Variants in MLPH observed in about 807,000 individuals in gnomAD.
The protein encoded by MLPH is exophilin-3.
Under a neutral mutation model 72.1 loss-of-function variants are expected in MLPH, and 51 were observed. The ratio of observed to expected loss-of-function variants is 0.71; its 90% CI spans 0.56 to 0.89. MLPH has a LOEUF of 0.89. MLPH is among the 40% of genes least tolerant of loss of function. The probability of loss-of-function intolerance (pLI) is 0.00; values close to 1 mark genes in which losing one functional copy is unlikely to be tolerated. For synonymous variants in MLPH, 301 were observed against 310.1 expected, an observed-to-expected ratio of 0.97 and a Z score of 0.31; for missense variants, 743 against 759.9, an observed-to-expected ratio of 0.98 and a Z score of 0.26.
At chr2:237,548,784 C>G (rs1043306575) in intron 13 of MLPH, among the ~76,000 whole-genome samples, 2 of 152,162 alleles carry the variant, frequency 1.3e-5, no homozygotes, top group African/African-American at 4.8e-5. Flanking sequence ...GAGACTGAGG[C>G]GAGAGAATGG....
chr2:237,507,942 A>T (rs2079811287), intron 2 of MLPH, among the ~76,000 whole-genome samples: 2 of 152,302 alleles, frequency 1.3e-5, no homozygotes, highest in Admixed American at 1.3e-4. Flanking sequence ...AATCCTTTTA[A>T]TAGAAATATC....
chr2:237,524,803 A>G (rs972293710), intron 6 of MLPH, among the ~76,000 whole-genome samples: 1 of 152,090 alleles, frequency 6.6e-6, no homozygotes, highest in Non-Finnish European at 1.5e-5. Flanking sequence ...TTCATAGTGA[A>G]CTTCTGAACT....
intron 6 of MLPH, among the ~76,000 whole-genome samples, chr2:237,521,468 C>T (rs2080180336): frequency 6.6e-6 from 1 of 152,092 alleles, no homozygotes; most frequent in Non-Finnish European, 1.5e-5. Flanking sequence ...GACCCTGAAC[C>T]TATAAATAAT....
intron 2 of MLPH, among the ~76,000 whole-genome samples, chr2:237,494,163 G>A (rs1256965090): frequency 6.6e-6 from 1 of 151,730 alleles, no homozygotes; most frequent in African/African-American, 2.4e-5. Context: ...CAAAAGCTGA[G>A]AGGATGCTCC....
chr2:237,546,432 G>A (rs904957258), intron 12 of MLPH, 174 bp from the exon 13 acceptor site: 1 of 659,846 alleles, frequency 1.5e-6, no homozygotes. Context: ...GCACACTTTG[G>A]CGCCCTAGTC....
At chr2:237,509,876 G>A (rs2079853648) in intron 2 of MLPH, among the ~76,000 whole-genome samples, 1 of 152,168 alleles carries the variant, frequency 6.6e-6, no homozygotes, top group Non-Finnish European at 1.5e-5. Flanking sequence ...TGTCCTTCTT[G>A]TTTTTGTCAC....
In MLPH at chr2:237,491,881, C is replaced by A. The variant is rs571714612; in HGVS notation, c.-24-1522C>A. 2.4e-4 allele frequency among the ~76,000 whole-genome samples: 36 copies of A among 152,332 alleles called. No homozygotes were observed. In the South Asian group the frequency reaches 2.7e-3, roughly 11 times the overall value. ...ACTCCCCTGCCTCACACCCATCAACCACCTGACAGGATGTACAGGCCAAGG... is the reference window on the plus strand; with the variant it reads ...ACTCCCCTGCCTCACACCCATCAACAACCTGACAGGATGTACAGGCCAAGG... On this transcript the variant is annotated intron_variant, in intron 1 of 15. Coordinates refer to ENST00000264605, the MANE Select transcript of MLPH (RefSeq NM_024101.7).
At chr2:237,524,321 A>ATATATATATATATATATAT (rs1559357447) in intron 6 of MLPH, among the ~76,000 whole-genome samples, 19 of 146,176 alleles carry the variant, frequency 1.3e-4, no homozygotes, top group African/African-American at 4.4e-4. Flanking sequence ...ATATATATAT[A>ATATATATATATATATATAT]AAGGGGAGTT....
intron 4 of MLPH, among the ~76,000 whole-genome samples, chr2:237,517,431 A>G (rs1302241263): frequency 6.6e-6 from 1 of 150,476 alleles, no homozygotes; most frequent in African/African-American, 2.4e-5. Flanking sequence ...GGGTGAGTGG[A>G]TAGGTGGATG....
At chr2:237,502,917 G>C (rs753942095) in intron 2 of MLPH, among the ~76,000 whole-genome samples, 2 of 152,024 alleles carry the variant, frequency 1.3e-5, no homozygotes, top group Admixed American at 1.3e-4. Flanking sequence ...TCAGGAGTTC[G>C]AGACCAGCCT....
At position 237,507,055 on chromosome 2, in the gene MLPH, T is replaced by A. The variant is rs1245264467; in HGVS notation, c.111-3519T>A. Among the ~76,000 whole-genome samples the A allele has an allele frequency of 2.8e-5, 4 of 142,598 alleles. No homozygotes were observed. The East Asian group carries it at 8.3e-4, about 30-fold the overall frequency. 93.5% of individuals were successfully genotyped at this position (142,598 alleles called of 152,430 possible). On this transcript the variant is annotated intron_variant, in intron 2 of 15. Transcript: ENST00000264605. ...TTGGTAGTTTTTTTCCTTTTTCTTT[T>A]TTTTTTCTTTTTTTTTTTTTTTTTT...
At chr2:237,495,292 A>C (rs1191351165) in intron 2 of MLPH, among the ~76,000 whole-genome samples, 1 of 152,218 alleles carries the variant, frequency 6.6e-6, no homozygotes, top group African/African-American at 2.4e-5. Flanking sequence ...ATGTCATTCC[A>C]TCGGCAAAGT....
Position 237,491,006 on chromosome 2 carries a change from T to C in MLPH, c.-24-2397T>C, listed in dbSNP as rs138787107. On this transcript the variant is annotated intron_variant, in intron 1 of 15. Transcript: ENST00000264605. The stretch of plus-strand genomic sequence containing the variant: ...TTTTTATGGCATAAGCCAGGGACTA[T>C]TTTGGCTGACTTCCATGACAGCTCT... 2.4e-3 allele frequency among the ~76,000 whole-genome samples: 363 copies of C among 152,372 alleles called. 3 individuals carry two copies. Among genetic ancestry groups the C allele is most frequent in the African/African-American group, 8.3e-3 (344 of 41,592 alleles).
intron 1 of MLPH, 108 bp from the exon 2 acceptor site, chr2:237,493,295 C>T (rs2079464987): frequency 2.6e-6 from 2 of 772,186 alleles, no homozygotes; most frequent in East Asian, 5.0e-5. Flanking sequence ...CAAGTACAGA[C>T]AGATGTCCTG....
chr2:237,486,977 G>A (rs984771261), upstream of MLPH, among the ~76,000 whole-genome samples: 1 of 152,100 alleles, frequency 6.6e-6, no homozygotes, highest in African/African-American at 2.4e-5. Flanking sequence ...GGACCGCGGC[G>A]CGATGTCACC....
intron 2 of MLPH, among the ~76,000 whole-genome samples, chr2:237,502,789 T>A (rs887512380): frequency 2.0e-5 from 3 of 152,186 alleles, no homozygotes; most frequent in Non-Finnish European, 4.4e-5. Context: ...GGTCTCCTAG[T>A]ATGAGACACG....
At chr2:237,515,391 G>C (rs892256159) in intron 4 of MLPH, among the ~76,000 whole-genome samples, 31 of 152,144 alleles carry the variant, frequency 2.0e-4, no homozygotes, top group Admixed American at 3.9e-4. Context: ...CTTGGGGACA[G>C]TCAGCACAGC....
intron 12 of MLPH, among the ~76,000 whole-genome samples, chr2:237,543,024 T>G (rs1172143952): frequency 3.3e-3 from 42 of 12,556 alleles, no homozygotes; most frequent in Admixed American, 9.3e-3. Flanking sequence ...AGTGGTGAGT[T>G]GGGGGACAGT....
At chr2:237,508,061 T>G (rs1332788438) in intron 2 of MLPH, among the ~76,000 whole-genome samples, 1 of 152,154 alleles carries the variant, frequency 6.6e-6, no homozygotes, top group Non-Finnish European at 1.5e-5. Context: ...GACTCATAAC[T>G]TTTAGGGTTT....
Sources: allele counts gnomAD v4.1 joint callset (sites outside exome capture counted in the v4.1 genomes callset), GRCh38; gene constraint gnomAD v4.1.1; transcripts MANE v1.5; gene names NCBI Gene and HGNC (gene_info 2026-07-23, HGNC 2026-07-21).